CENATAC: variants seen among roughly 807,000 people sequenced by gnomAD.
CENATAC encodes the protein centrosomal AT-AC splicing factor, also known as coiled-coil domain containing 84.
In CENATAC, 53 loss-of-function variants were observed where a neutral mutation model predicts 53.7. The ratio of observed to expected loss-of-function variants is 0.99; its 90% confidence interval spans 0.79 to 1.24. The LOEUF is 1.24. CENATAC is among the 50% of genes most tolerant of loss of function. The pLI, the probability that CENATAC is intolerant of heterozygous loss-of-function variation, is 0.00. For synonymous variants in CENATAC, 156 were observed against 144.6 expected, an observed-to-expected ratio of 1.08 and a Z score of -0.57; for missense variants, 474 against 417.8, an observed-to-expected ratio of 1.13 and a Z score of -1.17.
intron 3 of CENATAC, among the ~76,000 whole-genome samples, chr11:119,000,581 C>A (rs528793559): frequency 1.8e-3 from 277 of 151,730 alleles, no homozygotes; most frequent in African/African-American, 6.5e-3. Context: ...CACGGCAAAA[C>A]CCTGTCTCTA....
intron 3 of CENATAC, chr11:119,001,707 G>T (rs1255734181): frequency 2.2e-6 from 1 of 454,500 alleles, no homozygotes. Flanking sequence ...TGCTGTGCAA[G>T]AGTCAACTGT....
rs782439155 is a variant in CENATAC at position 118,998,191 on chromosome 11, C to G, written c.-7C>G. The stretch of plus-strand genomic sequence containing the variant: ...CGCTGGTGGTGGTGATACCGGGTAC[C>G]CGGGCTATGGCGCCGGCGCAGCGCT... On this transcript the variant is annotated 5_prime_UTR_variant, in exon 1 of 11. Transcript: ENST00000334418. The G allele has an allele frequency of 2.2e-5, 34 of 1,576,822 alleles. No homozygotes were observed. The highest frequency in any genetic ancestry group is 2.7e-5 in the African/African-American group (2 of 74,042).
intron 3 of CENATAC, among the ~76,000 whole-genome samples, chr11:119,007,584 G>A (rs983914502): frequency 1.6e-4 from 24 of 152,052 alleles, no homozygotes; most frequent in South Asian, 4.1e-4. Context: ...CAACCTCCCA[G>A]GCTCAAGCAA....
At chr11:119,008,213 C>T (rs1942695309) in intron 3 of CENATAC, among the ~76,000 whole-genome samples, 1 of 152,138 alleles carries the variant, frequency 6.6e-6, no homozygotes, top group African/African-American at 2.4e-5. Flanking sequence ...AACGGTGGGT[C>T]CAGGGGACTG....
intron 5 of CENATAC, 78 bp downstream of exon 5, chr11:119,011,361 A>C (rs1450812916): frequency 1.5e-6 from 2 of 1,333,448 alleles, no homozygotes; most frequent in Admixed American, 1.9e-5. Flanking sequence ...CATTTCATGG[A>C]CTAGTGCTTC....
At chr11:119,007,151 G>A (rs1476546253) in intron 3 of CENATAC, among the ~76,000 whole-genome samples, 2 of 152,102 alleles carry the variant, frequency 1.3e-5, no homozygotes, top group Non-Finnish European at 2.9e-5. Flanking sequence ...GCAGCCAGTG[G>A]CCAGGAGATA....
intron 9 of CENATAC, 21 bp downstream of exon 9, chr11:119,015,104 G>A: frequency 6.4e-7 from 1 of 1,573,606 alleles, no homozygotes; most frequent in South Asian, 1.1e-5. Flanking sequence ...TAATTCAAGA[G>A]AGGATCGTCT....
chr11:119,004,640 G>C (rs955233250), intron 3 of CENATAC: 1 of 152,796 alleles, frequency 6.5e-6, no homozygotes, highest in Non-Finnish European at 1.5e-5. Flanking sequence ...ACTTACTCTG[G>C]AGGCTAAGGC....
Position 118,998,165 on chromosome 11 carries a change from C to T in CENATAC, c.-33C>T, listed in dbSNP as rs782077310. The T allele has an allele frequency of 1.3e-6, 2 of 1,562,582 alleles. No individual in the cohort carries two copies. The highest frequency in any genetic ancestry group is 1.9e-5 in the Admixed American group (1 of 52,822). ...AGGCCGCCGGATGGCGTAGGATCGG[C>T]CGCTGGTGGTGGTGATACCGGGTAC... is the stretch of plus-strand genomic sequence containing the variant. On this transcript the variant is annotated 5_prime_UTR_variant, in exon 1 of 11. Transcript: ENST00000334418.
chr11:119,001,581 A>G, intron 3 of CENATAC: 1 of 454,218 alleles, frequency 2.2e-6, no homozygotes. Flanking sequence ...TGCATTCATG[A>G]CATACCTTTT....
At chr11:119,011,496 C>T (rs1008103903) in intron 5 of CENATAC, among the ~76,000 whole-genome samples, 8 of 152,186 alleles carry the variant, frequency 5.3e-5, no homozygotes, top group Non-Finnish European at 1.0e-4. Flanking sequence ...TCTCCTGCCT[C>T]AGGCTCCCGA....
chr11:119,001,587 CTTT>C (rs930714208), intron 3 of CENATAC: 19 of 454,132 alleles, frequency 4.2e-5, no homozygotes, highest in Non-Finnish European at 7.5e-5. Context: ...CATGACATAC[CTTT>C]TTAATTTTTT....
chr11:119,012,610 C>G (rs1942922818), intron 7 of CENATAC: 1 of 198,518 alleles, frequency 5.0e-6, no homozygotes, highest in East Asian at 1.2e-4. Flanking sequence ...CATATCCTGT[C>G]AACAAGCGGT....
At chr11:119,006,008 C>G (rs917819883) in intron 3 of CENATAC, 1 of 139,102 alleles carries the variant, frequency 7.2e-6, no homozygotes, top group Non-Finnish European at 1.5e-5. Flanking sequence ...ACAATCATGG[C>G]TCACTGCAGC....
chr11:119,002,350 T>G (rs1942348616), intron 3 of CENATAC, among the ~76,000 whole-genome samples: 2 of 151,162 alleles, frequency 1.3e-5, no homozygotes, highest in Admixed American at 6.6e-5. Flanking sequence ...AGATTTTTTT[T>G]TTTTTTTTTG....
chr11:119,014,193 A>C (rs946834507), intron 8 of CENATAC: 3 of 152,280 alleles, frequency 2.0e-5, no homozygotes, highest in Non-Finnish European at 2.9e-5. Context: ...AATTGGAAAC[A>C]ATTCAGATGT....
chr11:119,003,619 CTCT>C lies in CENATAC; in HGVS notation c.383+4512_383+4514del. 7 of 110,776 alleles carry C rather than the reference CTCT, an allele frequency of 6.3e-5. No homozygotes were observed. In the South Asian group the frequency reaches 9.8e-4, roughly 16 times the overall value. 6.9% of individuals were successfully genotyped at this position (110,776 alleles called of 1,614,324 possible). On this transcript the variant is annotated intron_variant, in intron 3 of 10. Transcript: ENST00000334418. ...GGCCAATAATTAGAAATATTTCTCTCTCTTTTTTTTTTTTTTTTTTGGGAGACA... is the reference window on the plus strand; with the variant it reads ...GGCCAATAATTAGAAATATTTCTCTCTTTTTTTTTTTTTTTTTGGGAGACA...
intron 3 of CENATAC, among the ~76,000 whole-genome samples, chr11:119,002,224 C>CAAAAA (rs782664366): frequency 8.3e-4 from 41 of 49,500 alleles, no homozygotes; most frequent in East Asian, 1.6e-3. Context: ...AACTCTGTCT[C>CAAAAA]AAAAAAAAAA....
Position 119,010,767 on chromosome 11 carries a change from C to A in CENATAC, c.387C>A (p.Phe129Leu), listed in dbSNP as rs1160272095. ...FLVTPQDYAR[F>L]KKSMVKGLDS... The stretch of plus-strand genomic sequence containing the variant: ...GTTTTGCCCCTTTTCTTTTTAGATT[C>A]AAGAAATCCATGGTGAAAGGTTTGG... The change falls in exon 4 of 11, where the codon TTC becomes TTA. Residue 129 changes from phenylalanine to leucine, a missense_variant. Physicochemically the swap from Phe to Leu is conservative, Grantham distance 22. Coordinates refer to ENST00000334418, the MANE Select transcript of CENATAC (RefSeq NM_198489.3). 2 of 1,613,818 alleles carry A rather than the reference C, an allele frequency of 1.2e-6. No homozygotes were observed. Among genetic ancestry groups the A allele is most frequent in the Admixed American group, 1.7e-5 (1 of 59,964 alleles).
Sources: gnomAD v4.1 joint callset for allele counts (sites outside exome capture counted in the v4.1 genomes callset) on GRCh38, gnomAD v4.1.1 for gene constraint, MANE v1.5 for transcripts, NCBI Gene and HGNC (gene_info 2026-07-23, HGNC 2026-07-21) for gene names.